The following COL25A1 variants were observed in gnomAD, a reference collection of about 807,000 sequenced individuals.
COL25A1 encodes collagen type XXV alpha 1 chain.
In COL25A1, 103 loss-of-function variants were observed where a neutral mutation model predicts 128.4. The observed-to-expected ratio is 0.80, with a 90% CI of 0.68 to 0.94. The LOEUF (loss-of-function observed/expected upper bound fraction) is 0.94. Among genes scored for constraint, COL25A1 ranks in the 40% least tolerant of loss-of-function variants. The probability of loss-of-function intolerance (pLI) is 0.00; values close to 1 mark genes in which losing one functional copy is unlikely to be tolerated. For missense variants in COL25A1, 745 were observed against 840.0 expected (o/e 0.89, Z 1.40); for synonymous variants, 279 against 277.2 (o/e 1.01, Z -0.06).
At chr4:108,973,412 G>A (rs189760146) in intron 8 of COL25A1, among the ~76,000 whole-genome samples, 56 of 152,284 alleles carry the variant, frequency 3.7e-4, no homozygotes, top group African/African-American at 1.3e-3. Context: ...TCTAGTTTAA[G>A]AAACATGAGG....
intron 3 of COL25A1, among the ~76,000 whole-genome samples, chr4:109,238,626 G>A (rs747075554): frequency 1.6e-4 from 25 of 151,964 alleles, no homozygotes; most frequent in Non-Finnish European, 7.4e-5. Context: ...GTGCTTGTTC[G>A]TTTACAAACA....
At chr4:109,265,798 G>T (rs1417142180) in intron 3 of COL25A1, among the ~76,000 whole-genome samples, 1 of 152,082 alleles carries the variant, frequency 6.6e-6, no homozygotes, top group African/African-American at 2.4e-5. Flanking sequence ...AACATTAAGA[G>T]GATAAGCACT....
chr4:108,954,945 CT>C (rs11353233), intron 8 of COL25A1, among the ~76,000 whole-genome samples: 5,887 of 148,350 alleles, frequency 0.04, 340 homozygotes, highest in African/African-American at 0.13. Flanking sequence ...TGTTATAAAT[CT>C]TTTTTTTTTT....
intron 6 of COL25A1, among the ~76,000 whole-genome samples, chr4:108,977,832 A>C (rs1368034923): frequency 6.6e-6 from 1 of 152,160 alleles, no homozygotes; most frequent in Non-Finnish European, 1.5e-5. Flanking sequence ...CAGCTACATC[A>C]AGGTCAACTG....
At chr4:108,829,160 TA>T (rs1732751594) in intron 32 of COL25A1, among the ~76,000 whole-genome samples, 1 of 152,158 alleles carries the variant, frequency 6.6e-6, no homozygotes, top group South Asian at 2.1e-4. Context: ...GAGACATCTA[TA>T]AAAAATATCT....
chr4:109,253,826 A>G (rs190763865), intron 3 of COL25A1, among the ~76,000 whole-genome samples: 1,690 of 152,222 alleles, frequency 0.011, 21 homozygotes, highest in Non-Finnish European at 0.018. Context: ...AGTGGCTCAC[A>G]CCTGTAATCC....
At chr4:109,250,369 T>TATAC (rs1780563640) in intron 3 of COL25A1, among the ~76,000 whole-genome samples, 1 of 134,866 alleles carries the variant, frequency 7.4e-6, no homozygotes, top group Non-Finnish European at 1.5e-5. Flanking sequence ...AAGTAGGAGA[T>TATAC]ACACACACAC....
Position 108,962,085 on chromosome 4 carries a change from G to A in COL25A1, c.492+12282C>T, listed in dbSNP as rs1034998362. On this transcript the variant is annotated intron_variant, in intron 8 of 37. Transcript: ENST00000399132. Reference sequence around the variant, plus strand: ...TTACAGTTAGTTCCTGCCATTTCCCGTTGCATCCCACAGGCTTCAAGCCAG... The same window carrying A: ...TTACAGTTAGTTCCTGCCATTTCCCATTGCATCCCACAGGCTTCAAGCCAG... Among the ~76,000 whole-genome samples the A allele has an allele frequency of 1.3e-5, 2 of 151,844 alleles. 1 individual carries two copies. The highest frequency in any genetic ancestry group is 4.2e-4 in the South Asian group (2 of 4,808).
At chr4:109,158,458 T>C (rs1482974001) in intron 3 of COL25A1, among the ~76,000 whole-genome samples, 1 of 152,226 alleles carries the variant, frequency 6.6e-6, no homozygotes, top group African/African-American at 2.4e-5. Context: ...GCAGGCATAA[T>C]GGTAGTAAAG....
chr4:108,928,089 C>A (rs1191019727), intron 11 of COL25A1, among the ~76,000 whole-genome samples: 1 of 152,130 alleles, frequency 6.6e-6, no homozygotes, highest in Non-Finnish European at 1.5e-5. Flanking sequence ...TAACAGGCTT[C>A]TTTGCCCTCT....
At chr4:109,175,923 AAG>A (rs1774049882) in intron 3 of COL25A1, among the ~76,000 whole-genome samples, 1 of 152,252 alleles carries the variant, frequency 6.6e-6, no homozygotes, top group African/African-American at 2.4e-5. Context: ...CTTTTCCAGT[AAG>A]AGTTAAACCT....
chr4:108,911,221 GT>G (rs1744177257), intron 13 of COL25A1, among the ~76,000 whole-genome samples: 1 of 152,100 alleles, frequency 6.6e-6, no homozygotes, highest in Admixed American at 6.6e-5. Flanking sequence ...ATAATATAGT[GT>G]TTTAGGAACA....
rs192940199 is a variant in COL25A1, at chr4:108,809,788, C to T, written c.*4139G>A. On this transcript the variant is annotated 3_prime_UTR_variant, in exon 38 of 38. Transcript: ENST00000399132. ...AAGTAGGGACTGACAGTCCTCCTAGCCTAAAACAATTTAGCATAATCATAA... is the reference window on the plus strand; with the variant it reads ...AAGTAGGGACTGACAGTCCTCCTAGTCTAAAACAATTTAGCATAATCATAA... 4.6e-5 allele frequency: 7 copies of T among 151,972 alleles called. No individual in the cohort carries two copies. The highest frequency in any genetic ancestry group is 1.3e-4 in the Admixed American group (2 of 15,272). The allele number at this position is 151,972 out of a possible 1,614,324, so 9.4% of individuals were successfully genotyped here.
At chr4:109,077,273 G>A (rs551936496) in intron 3 of COL25A1, among the ~76,000 whole-genome samples, 139 of 152,102 alleles carry the variant, frequency 9.1e-4, no homozygotes, top group Non-Finnish European at 1.7e-3. Context: ...GAGAGATTGT[G>A]GAATCCATAT....
At chr4:109,293,934 A>C (rs1246540825) in intron 3 of COL25A1, among the ~76,000 whole-genome samples, 1 of 152,096 alleles carries the variant, frequency 6.6e-6, no homozygotes, top group African/African-American at 2.4e-5. Context: ...CATTTAGTTC[A>C]TTTATTCTAT....
chr4:109,254,326 T>C (rs1357901012), intron 3 of COL25A1, among the ~76,000 whole-genome samples: 3 of 150,766 alleles, frequency 2.0e-5, no homozygotes, highest in Non-Finnish European at 4.4e-5. Context: ...ATTGTTTATT[T>C]CATTTGCCAA....
chr4:109,297,514 A>G (rs1725083649), intron 3 of COL25A1, among the ~76,000 whole-genome samples: 1 of 152,180 alleles, frequency 6.6e-6, no homozygotes, highest in Non-Finnish European at 1.5e-5. Context: ...GGAGACTTAT[A>G]TAAATATCAA....
intron 6 of COL25A1, among the ~76,000 whole-genome samples, chr4:108,999,005 A>C (rs1408343948): frequency 6.6e-6 from 1 of 152,244 alleles, no homozygotes; most frequent in Admixed American, 6.5e-5. Context: ...CTAACATCAT[A>C]AAAATGCTAG....
intron 3 of COL25A1, among the ~76,000 whole-genome samples, chr4:109,138,915 G>A (rs906216479): frequency 2.6e-5 from 4 of 152,078 alleles, no homozygotes; most frequent in African/African-American, 9.7e-5. Flanking sequence ...CACCCTGTTA[G>A]CCAGGATGGT....
Sources: gnomAD v4.1 joint callset for allele counts (sites outside exome capture counted in the v4.1 genomes callset) on GRCh38, gnomAD v4.1.1 for gene constraint, MANE v1.5 for transcripts, NCBI Gene and HGNC (gene_info 2026-07-23, HGNC 2026-07-21) for gene names.